PAX7: variants seen among roughly 807,000 people sequenced by gnomAD.
PAX7 encodes paired box 7.
A neutral mutation model predicts 50.7 loss-of-function variants in PAX7; 18 were observed. The observed-to-expected ratio is 0.36, with a 90% CI of 0.25 to 0.53. The LOEUF (loss-of-function observed/expected upper bound fraction) is 0.53, where lower values mean the gene tolerates loss of function less well. PAX7 is among the 20% of genes least tolerant of loss of function. The pLI is 0.93. For synonymous variants in PAX7, 310 were observed against 290.4 expected (o/e 1.07, Z -0.69); for missense variants, 644 against 702.9 (o/e 0.92, Z 0.95).
chr1:18,686,895 TA>T (rs1557530075), intron 4 of PAX7, among the ~76,000 whole-genome samples: 5 of 44,020 alleles, frequency 1.1e-4, no homozygotes, highest in African/African-American at 3.1e-4. Flanking sequence ...TTATTATTAT[TA>T]TTATTATTTT....
chr1:18,658,367 C>T (rs1283481802), intron 4 of PAX7, among the ~76,000 whole-genome samples: 2 of 152,166 alleles, frequency 1.3e-5, no homozygotes, highest in African/African-American at 2.4e-5. Flanking sequence ...GGTTCTGAAG[C>T]TTCTGTTCCT....
rs751994360 is a variant in PAX7 at position 18,634,420 on chromosome 1, G to A, written c.203G>A (p.Arg68Gln). 48 of 1,614,068 alleles carry A rather than the reference G, an allele frequency of 3.0e-5. No individual in the cohort carries two copies. Among genetic ancestry groups the A allele is most frequent in the South Asian group, 4.4e-5 (4 of 91,090 alleles). ...GTGGAGATGGCCCACCATGGCATCC[G>A]GCCCTGTGTCATCTCCCGACAGCTG... ...KIVEMAHHGI[R>Q]PCVISRQLRV... Residue 68 changes from arginine (R) to glutamine (Q), a missense_variant, in exon 2 of 9, where the codon CGG becomes CAG. Arg to Gln is a conservative substitution (Grantham distance 43). Coordinates refer to ENST00000420770, the MANE Select transcript of PAX7 (RefSeq NM_001135254.2). The surrounding 1 kb of genome is among the most constrained non-coding windows in gnomAD (Gnocchi z 4.0).
At chr1:18,707,705 A>G (rs586698) in intron 7 of PAX7, among the ~76,000 whole-genome samples, 111,525 of 152,024 alleles carry the variant, frequency 0.73, 41,311 homozygotes, top group East Asian at 0.89. Context: ...GATTACAGGC[A>G]TGAGCCACTG....
intron 4 of PAX7, among the ~76,000 whole-genome samples, chr1:18,671,435 G>A (rs2088747206): frequency 6.6e-6 from 1 of 152,214 alleles, no homozygotes; most frequent in Admixed American, 6.5e-5. Context: ...ATTTCCAGGG[G>A]AATCTAATTA....
chr1:18,684,637 G>A (rs141574914), intron 4 of PAX7, among the ~76,000 whole-genome samples: 3 of 152,308 alleles, frequency 2.0e-5, no homozygotes, highest in East Asian at 3.9e-4. Flanking sequence ...TGAGACCTGC[G>A]CCCAGGCCTG....
rs553597678 is a variant in PAX7, at chr1:18,660,637, G to T, written c.586+24266G>T. On this transcript the variant is annotated intron_variant, in intron 4 of 8. Coordinates refer to ENST00000420770, the MANE Select transcript of PAX7 (RefSeq NM_001135254.2). ...GACCCCTGCAACCTGTATTTACCACGTTCAAAAGCCCCTACTAGCCCCAGA... is the reference window on the plus strand; with the variant it reads ...GACCCCTGCAACCTGTATTTACCACTTTCAAAAGCCCCTACTAGCCCCAGA... Among the ~76,000 whole-genome samples the T allele has an allele frequency of 3.3e-5, 5 of 152,240 alleles. No homozygotes were observed. In the East Asian group the frequency reaches 9.6e-4, roughly 29 times the overall value.
chr1:18,730,259 C>T (rs184751391), intron 7 of PAX7, among the ~76,000 whole-genome samples: 5 of 152,286 alleles, frequency 3.3e-5, no homozygotes, highest in African/African-American at 7.2e-5. Flanking sequence ...TGCTCAGAGT[C>T]GCAGTTAGTC....
At chr1:18,662,918 A>G (rs937597400) in intron 4 of PAX7, among the ~76,000 whole-genome samples, 1 of 152,080 alleles carries the variant, frequency 6.6e-6, no homozygotes, top group African/African-American at 2.4e-5. Context: ...TGTGAAGAAA[A>G]AAAAAAAACC....
At chr1:18,730,777 A>AG (rs2089635969) in intron 7 of PAX7, among the ~76,000 whole-genome samples, 1 of 151,500 alleles carries the variant, frequency 6.6e-6, no homozygotes, top group African/African-American at 2.4e-5. Flanking sequence ...AGGCTGTGGA[A>AG]GGGGGGCCCC....
At chr1:18,708,865 T>C (rs1398015578) in intron 7 of PAX7, among the ~76,000 whole-genome samples, 2 of 152,088 alleles carry the variant, frequency 1.3e-5, no homozygotes, top group East Asian at 3.9e-4. Flanking sequence ...AGCACAGCCC[T>C]CTCTTGGAAC....
chr1:18,710,330 A>G (rs753894132), intron 7 of PAX7, among the ~76,000 whole-genome samples: 6 of 152,154 alleles, frequency 3.9e-5, no homozygotes, highest in Non-Finnish European at 8.8e-5. Context: ...GCCCTAGGGA[A>G]CTGAGCAGTG....
intron 7 of PAX7, among the ~76,000 whole-genome samples, chr1:18,731,948 G>A (rs2089652262): frequency 6.6e-6 from 1 of 152,146 alleles, no homozygotes; most frequent in Admixed American, 6.6e-5. Context: ...GCAGCTCCTG[G>A]AATTTTTACT....
intron 7 of PAX7, among the ~76,000 whole-genome samples, chr1:18,715,800 G>A (rs2089412774): frequency 6.6e-6 from 1 of 152,242 alleles, no homozygotes; most frequent in Non-Finnish European, 1.5e-5. Context: ...TGAGGTAGCT[G>A]TTTGCAGATG....
At chr1:18,671,804 T>TAA (rs112404710) in intron 4 of PAX7, among the ~76,000 whole-genome samples, 265 of 135,438 alleles carry the variant, frequency 2.0e-3, no homozygotes, top group African/African-American at 6.6e-3. Flanking sequence ...CCTAACTCTA[T>TAA]AAAAAAAAAA....
intron 4 of PAX7, among the ~76,000 whole-genome samples, chr1:18,680,153 C>T (rs1291524448): frequency 6.6e-6 from 1 of 152,134 alleles, no homozygotes; most frequent in Non-Finnish European, 1.5e-5. Flanking sequence ...ACAGTTGTAT[C>T]AAGGGTACCT....
chr1:18,742,148 C>CT (rs61248648), intron 8 of PAX7, among the ~76,000 whole-genome samples: 1,887 of 103,454 alleles, frequency 0.018, 159 homozygotes, highest in African/African-American at 0.029. Context: ...AATGAGGCTT[C>CT]TTTTTTTTTT....
chr1:18,692,123 G>A (rs369142496), intron 5 of PAX7, among the ~76,000 whole-genome samples, 170 bp downstream of exon 5: 47 of 152,258 alleles, frequency 3.1e-4, no homozygotes, highest in African/African-American at 1.1e-3. Flanking sequence ...TTAGTTGGCA[G>A]CAAATGTTGG....
At chr1:18,723,713 A>G (rs570882919) in intron 7 of PAX7, among the ~76,000 whole-genome samples, 94 of 152,336 alleles carry the variant, frequency 6.2e-4, no homozygotes, top group African/African-American at 2.2e-3. Context: ...CATTGCACCC[A>G]TGGCGGGGGG....
chr1:18,722,998 C>T (rs573302312), intron 7 of PAX7, among the ~76,000 whole-genome samples: 15 of 152,292 alleles, frequency 9.8e-5, no homozygotes, highest in African/African-American at 3.1e-4. Context: ...CATTCAGGCA[C>T]CAATAAGACA....
Sources: allele counts gnomAD v4.1 joint callset (sites outside exome capture counted in the v4.1 genomes callset), GRCh38; gene constraint gnomAD v4.1.1; non-coding constraint Gnocchi (gnomAD v3.1); transcripts MANE v1.5; gene names NCBI Gene and HGNC (gene_info 2026-07-23, HGNC 2026-07-21).